The following THOC5 variants were observed in gnomAD, a reference collection of about 807,000 sequenced individuals.
THOC5 encodes the protein THO complex subunit 5.
In THOC5, 43 loss-of-function variants were observed where a neutral mutation model predicts 92.9. That is an observed-to-expected ratio of 0.46 (90% CI 0.36 to 0.60). The LOEUF is 0.60. Among genes scored for constraint, THOC5 ranks in the 20% least tolerant of loss-of-function variants. THOC5 has a pLI of 0.00. For synonymous variants in THOC5, 296 were observed against 320.1 expected (o/e 0.92, Z 0.80); for missense variants, 659 against 849.4 (o/e 0.78, Z 2.79).
At chr22:29,524,457 C>T (rs775917999) in intron 12 of THOC5, among the ~76,000 whole-genome samples, 11 of 152,128 alleles carry the variant, frequency 7.2e-5, no homozygotes, top group Non-Finnish European at 1.3e-4. Context: ...TAGTGAAGAG[C>T]TGGAGTTGAG....
intron 12 of THOC5, 81 bp from the exon 13 acceptor site, chr22:29,521,180 A>G: frequency 9.8e-7 from 1 of 1,017,736 alleles, no homozygotes; most frequent in African/African-American, 1.6e-5. Flanking sequence ...GGGGATGGTA[A>G]TGCCACGTCT....
intron 18 of THOC5, among the ~76,000 whole-genome samples, 174 bp downstream of exon 18, chr22:29,511,847 G>A (rs1330744168): frequency 1.3e-5 from 2 of 152,180 alleles, no homozygotes; most frequent in African/African-American, 4.8e-5. Context: ...AGTAGGTCTG[G>A]GCTCTTTCCT....
chr22:29,539,516 A>T, intron 5 of THOC5, 40 bp from the exon 6 acceptor site: 1 of 1,597,570 alleles, frequency 6.3e-7, no homozygotes, highest in Middle Eastern at 1.7e-4. Flanking sequence ...TGTTCTCAGG[A>T]AACTAAACTG....
rs1491105374 is a variant in THOC5 at position 29,538,800 on chromosome 22, G to GAAAAAAAAAAAAAAAA, written c.599+529_599+530insTTTTTTTTTTTTTTTT. 6.1e-5 allele frequency among the ~76,000 whole-genome samples: 2 copies of GAAAAAAAAAAAAAAAA among 33,000 alleles called. 1 individual carries two copies. Among genetic ancestry groups the GAAAAAAAAAAAAAAAA allele is most frequent in the Non-Finnish European group, 1.1e-4 (2 of 17,440 alleles). The allele number at this position is 33,000 out of a possible 152,430, so 21.6% of individuals were successfully genotyped here. A position where few individuals can be genotyped will look rare whatever the true frequency, so the allele number is the denominator to read the frequency against. ...CAATAGAGTGAAACGCCATCTCTTTGGAAAAAAAAAAAAAAAAAAAAAAAA... is the reference window on the plus strand; with the variant it reads ...CAATAGAGTGAAACGCCATCTCTTTGAAAAAAAAAAAAAAAAGAAAAAAAAAAAAAAAAAAAAAAAA... On this transcript the variant is annotated intron_variant, in intron 6 of 19. Coordinates refer to ENST00000490103, the MANE Select transcript of THOC5 (RefSeq NM_003678.5).
intron 17 of THOC5, among the ~76,000 whole-genome samples, chr22:29,513,593 C>T (rs1476223302): frequency 2.6e-5 from 4 of 151,920 alleles, no homozygotes; most frequent in Admixed American, 1.3e-4. Flanking sequence ...GAGGCCAAGA[C>T]GGGAGGGTCA....
chr22:29,535,722 A>G (rs919741296), intron 7 of THOC5: 2 of 152,258 alleles, frequency 1.3e-5, no homozygotes, highest in African/African-American at 2.4e-5. Flanking sequence ...TTAACCATGC[A>G]GAGGCTTTGG....
intron 7 of THOC5, chr22:29,536,378 T>G (rs1229604143): frequency 4.2e-6 from 2 of 471,464 alleles, no homozygotes; most frequent in Non-Finnish European, 7.5e-6. Context: ...TCTGAGAAAG[T>G]ACGTTACCCA....
intron 12 of THOC5, among the ~76,000 whole-genome samples, chr22:29,525,483 A>C (rs773363941): frequency 5.3e-5 from 8 of 152,048 alleles, no homozygotes; most frequent in Non-Finnish European, 8.8e-5. Flanking sequence ...GAGAAAAGGG[A>C]AAGAGTGGCC....
At chr22:29,522,600 C>G (rs2146474129) in intron 12 of THOC5, among the ~76,000 whole-genome samples, 1 of 151,974 alleles carries the variant, frequency 6.6e-6, no homozygotes, top group Non-Finnish European at 1.5e-5. Context: ...AAATGATGAA[C>G]ATAAAAGGAA....
chr22:29,528,501 G>A (rs895854269), intron 9 of THOC5, 35 bp from the exon 10 acceptor site: 28 of 1,611,262 alleles, frequency 1.7e-5, no homozygotes, highest in Non-Finnish European at 1.7e-6. Context: ...TAGAGGTGAG[G>A]GGGCTCCAAA....
intron 4 of THOC5, 33 bp downstream of exon 4, chr22:29,543,396 A>AG (rs1569232376): frequency 8.6e-7 from 1 of 1,156,498 alleles, no homozygotes; most frequent in Non-Finnish European, 1.3e-6. Context: ...AGGAGGAAGG[A>AG]GGAAGGTTAA....
intron 5 of THOC5, among the ~76,000 whole-genome samples, chr22:29,541,596 T>A (rs1444015844): frequency 6.7e-6 from 1 of 150,266 alleles, no homozygotes; most frequent in African/African-American, 2.4e-5. Context: ...GTGTGGTGGC[T>A]CACGCCTGTA....
chr22:29,541,052 A>T lies in THOC5; in HGVS notation c.453-1576T>A, dbSNP rs575963254. Among the ~76,000 whole-genome samples, 9 of 152,248 alleles carry T rather than the reference A, an allele frequency of 5.9e-5. No homozygotes were observed. The East Asian group carries it at 1.7e-3, about 29-fold the overall frequency. ...GCCAACATGGTGAAACCCTGTCTTT[A>T]CTAAAAATACGAAAATTAGCTGGGT... On this transcript the variant is annotated intron_variant, in intron 5 of 19. Coordinates refer to ENST00000490103, the MANE Select transcript of THOC5 (RefSeq NM_003678.5).
chr22:29,551,496 T>C (rs1168492242), intron 1 of THOC5, among the ~76,000 whole-genome samples: 2 of 152,054 alleles, frequency 1.3e-5, no homozygotes, highest in African/African-American at 4.8e-5. Flanking sequence ...TCCCAACACT[T>C]TGGGAAACCA....
chr22:29,508,009 T>A lies in THOC5; in HGVS notation c.*448A>T, dbSNP rs2063154463. 5.9e-6 allele frequency: 1 copy of A among 168,416 alleles called. No individual in the cohort carries two copies. Among genetic ancestry groups the A allele is most frequent in the African/African-American group, 2.4e-5 (1 of 41,634 alleles). The allele number at this position is 168,416 out of a possible 1,614,324, so 10.4% of individuals were successfully genotyped here. On this transcript the variant is annotated 3_prime_UTR_variant, in exon 20 of 20. Coordinates refer to ENST00000490103, the MANE Select transcript of THOC5 (RefSeq NM_003678.5). ...CCATCGGCAACCCTGACAGGACTAATGGGAAGAGCGGGTGGGGAGGGAAGA... is the reference window on the plus strand; with the variant it reads ...CCATCGGCAACCCTGACAGGACTAAAGGGAAGAGCGGGTGGGGAGGGAAGA...
chr22:29,543,528 T>C lies in THOC5; in HGVS notation c.255A>G (p.Glu85=). 6.2e-7 allele frequency: 1 copy of C among 1,613,576 alleles called. No homozygotes were observed. Among genetic ancestry groups the C allele is most frequent in the Non-Finnish European group, 8.5e-7 (1 of 1,179,706 alleles). ...RGGKDVAIEI[E]ERRIQSCVHF... ...GCACACAGCTCTGGATCCTCCGTTC[T>C]TCTATTTCTATTGCCTGTGGGCAAA... The change falls in exon 4 of 20, where the codon GAA becomes GAG. Residue 85 remains glutamate (E), a synonymous_variant. Coordinates refer to ENST00000490103, the MANE Select transcript of THOC5 (RefSeq NM_003678.5).
intron 7 of THOC5, chr22:29,535,787 C>T (rs940779429): frequency 3.3e-5 from 5 of 152,198 alleles, no homozygotes; most frequent in Non-Finnish European, 7.3e-5. Context: ...TGGAGCGATC[C>T]TCCTGCCTCA....
intron 17 of THOC5, among the ~76,000 whole-genome samples, chr22:29,516,023 G>A (rs746703264): frequency 2.8e-4 from 42 of 151,832 alleles, no homozygotes; most frequent in African/African-American, 8.2e-4. Flanking sequence ...ACCTGTAGTC[G>A]CAGCTACTCA....
At chr22:29,525,756 G>A in intron 12 of THOC5, 82 bp downstream of exon 12, 1 of 1,122,670 alleles carries the variant, frequency 8.9e-7, no homozygotes, top group South Asian at 1.3e-5. Context: ...GAGCCAGAGG[G>A]AGGAACCGAG....
Sources: gnomAD v4.1 joint callset for allele counts (sites outside exome capture counted in the v4.1 genomes callset) on GRCh38, gnomAD v4.1.1 for gene constraint, MANE v1.5 for transcripts, NCBI Gene and HGNC (gene_info 2026-07-23, HGNC 2026-07-21) for gene names.